TBC1D5: variants seen among roughly 807,000 people sequenced by gnomAD.
The protein encoded by TBC1D5 is TBC1 domain family member 5.
A neutral mutation model predicts 100.3 loss-of-function variants in TBC1D5; 75 were observed. The observed-to-expected ratio is 0.75, with a 90% CI of 0.62 to 0.91. The LOEUF is 0.91. TBC1D5 is among the 40% of genes least tolerant of loss of function. The pLI is 0.00. For missense variants in TBC1D5, 910 were observed against 942.4 expected, an observed-to-expected ratio of 0.97 and a Z score of 0.45; for synonymous variants, 323 against 325.6, an observed-to-expected ratio of 0.99 and a Z score of 0.09.
At chr3:17,169,154 T>G (rs1450450056) in intron 19 of TBC1D5, among the ~76,000 whole-genome samples, 2 of 152,210 alleles carry the variant, frequency 1.3e-5, no homozygotes, top group African/African-American at 2.4e-5. Context: ...CACTTATCAT[T>G]GTTTGATGCA....
At chr3:17,191,010 C>A (rs892840475) in intron 18 of TBC1D5, among the ~76,000 whole-genome samples, 1 of 152,156 alleles carries the variant, frequency 6.6e-6, no homozygotes, top group African/African-American at 2.4e-5. Flanking sequence ...AAAACACATA[C>A]ACGGTGTGAA....
At chr3:17,587,401 A>G (rs1319793581) in intron 2 of TBC1D5, among the ~76,000 whole-genome samples, 2 of 152,016 alleles carry the variant, frequency 1.3e-5, no homozygotes, top group East Asian at 3.8e-4. Context: ...ATATAATGTA[A>G]AACATAATCA....
chr3:17,449,020 T>C (rs1238096487), intron 3 of TBC1D5, among the ~76,000 whole-genome samples: 2 of 152,152 alleles, frequency 1.3e-5, no homozygotes, highest in African/African-American at 4.8e-5. Context: ...GATTTCTGCA[T>C]TTTCAACTGC....
chr3:17,409,353 T>C (rs1575754864), intron 4 of TBC1D5, among the ~76,000 whole-genome samples: 2 of 152,164 alleles, frequency 1.3e-5, no homozygotes, highest in South Asian at 2.1e-4. Context: ...AAATGTTGTA[T>C]GTGTTCTGGC....
At position 17,667,104 on chromosome 3, in the gene TBC1D5, T is replaced by C. The variant is rs1472443096; in HGVS notation, c.-100-43191A>G. Among the ~76,000 whole-genome samples the C allele has an allele frequency of 3.9e-5, 6 of 152,236 alleles. No individual in the cohort carries two copies. In the South Asian group the frequency reaches 6.2e-4, roughly 16 times the overall value. ...GTTAGGAAGAGGAAGAATTTACTTC[T>C]AGCTGCTGGATGAAAAGCTTTGTAA... On this transcript the variant is annotated intron_variant, in intron 1 of 21. Transcript: ENST00000253692.
chr3:17,547,425 T>C (rs117446454), intron 2 of TBC1D5, among the ~76,000 whole-genome samples: 2,646 of 152,272 alleles, frequency 0.017, 52 homozygotes, highest in South Asian at 0.059. Context: ...ATCATATACT[T>C]ATAAAAATTA....
At position 17,401,307 on chromosome 3, in the gene TBC1D5, CAT is replaced by C. The variant is rs1158667361; in HGVS notation, c.509+1872_509+1873del. 1.3e-4 allele frequency among the ~76,000 whole-genome samples: 16 copies of C among 122,450 alleles called. 2 individuals carry two copies. Among genetic ancestry groups the C allele is most frequent in the African/African-American group, 4.2e-4 (12 of 28,810 alleles). The allele number at this position is 122,450 out of a possible 152,430, so 80.3% of individuals were successfully genotyped here. On this transcript the variant is annotated intron_variant, in intron 8 of 21. Transcript: ENST00000253692. ...CATATATATGTATGTGTATAATACA[CAT>C]ATATATGTATGTGTATAATATACAT...
chr3:17,650,625 G>A (rs568303651), intron 1 of TBC1D5, among the ~76,000 whole-genome samples: 30 of 152,234 alleles, frequency 2.0e-4, no homozygotes, highest in African/African-American at 6.7e-4. Context: ...AATTTGGTAC[G>A]ATTCTCCCAA....
chr3:17,371,939 A>G (rs2092478935), intron 13 of TBC1D5, 136 bp downstream of exon 13: 4 of 722,908 alleles, frequency 5.5e-6, no homozygotes, highest in Non-Finnish European at 8.0e-6. Flanking sequence ...TGGGAAGCTG[A>G]GATGGGAGGA....
At position 17,554,749 on chromosome 3, in the gene TBC1D5, C is replaced by T. The variant is rs138954041; in HGVS notation, c.-35-46144G>A. Reference sequence around the variant, plus strand: ...GGATACTAAAAACCACATCTACTTTCTCCCTAAAATCTTTCCATGCTTGTG... The same window carrying T: ...GGATACTAAAAACCACATCTACTTTTTCCCTAAAATCTTTCCATGCTTGTG... On this transcript the variant is annotated intron_variant, in intron 2 of 21. Transcript: ENST00000253692. Among the ~76,000 whole-genome samples, 108 of 152,266 alleles carry T rather than the reference C, an allele frequency of 7.1e-4. No individual in the cohort carries two copies. The East Asian group carries it at 0.018, about 26-fold the overall frequency.
chr3:17,521,557 T>C (rs1017030320), intron 2 of TBC1D5, among the ~76,000 whole-genome samples: 13 of 152,168 alleles, frequency 8.5e-5, no homozygotes, highest in African/African-American at 3.1e-4. Context: ...AAAAGTTACA[T>C]ATGGATTTTT....
intron 2 of TBC1D5, among the ~76,000 whole-genome samples, chr3:17,620,777 AATC>A (rs1332508195): frequency 6.6e-6 from 1 of 152,204 alleles, no homozygotes; most frequent in African/African-American, 2.4e-5. Flanking sequence ...CAAAAAATTA[AATC>A]AATAAGGATG....
At chr3:17,523,269 T>C (rs2096083323) in intron 2 of TBC1D5, among the ~76,000 whole-genome samples, 1 of 152,190 alleles carries the variant, frequency 6.6e-6, no homozygotes. Context: ...ATCCTACTGC[T>C]TTCTCACTAT....
intron 14 of TBC1D5, among the ~76,000 whole-genome samples, chr3:17,294,473 T>C (rs2082058842): frequency 6.6e-6 from 1 of 152,192 alleles, no homozygotes; most frequent in South Asian, 2.1e-4. Flanking sequence ...GATTTAGATA[T>C]AAACATATAG....
intron 1 of TBC1D5, among the ~76,000 whole-genome samples, chr3:17,705,650 G>A (rs1228620031): frequency 2.2e-5 from 3 of 135,398 alleles, no homozygotes; most frequent in African/African-American, 8.2e-5. Context: ...TCAGACGATG[G>A]GCGGCCGGGC....
At chr3:17,209,692 T>C (rs113347925) in intron 18 of TBC1D5, among the ~76,000 whole-genome samples, 2 of 152,258 alleles carry the variant, frequency 1.3e-5, no homozygotes, top group African/African-American at 4.8e-5. Flanking sequence ...CCTTTCTTTC[T>C]TTTCCTACAC....
At position 17,491,296 on chromosome 3, in the gene TBC1D5, C is replaced by A. The variant is rs192206509; in HGVS notation, c.97+17178G>T. On this transcript the variant is annotated intron_variant, in intron 3 of 21. Coordinates refer to ENST00000253692, the Ensembl canonical transcript of TBC1D5. ...CTTCCTCTCTTCTTATTTGAATACC[C>A]ATTATTTCTTTCTGTTGCCTGAGTG... Among the ~76,000 whole-genome samples the A allele has an allele frequency of 2.9e-3, 437 of 152,198 alleles. 3 individuals are homozygous for A. Among genetic ancestry groups the A allele is most frequent in the Non-Finnish European group, 5.3e-3 (359 of 67,994 alleles).
chr3:17,271,462 A>C (rs1165758498), intron 15 of TBC1D5, among the ~76,000 whole-genome samples: 4 of 152,190 alleles, frequency 2.6e-5, no homozygotes, highest in Non-Finnish European at 2.9e-5. Context: ...TTGTATCCTG[A>C]AACTTTACTG....
chr3:17,722,188 T>C (rs1446010871), intron 1 of TBC1D5, among the ~76,000 whole-genome samples: 1 of 152,192 alleles, frequency 6.6e-6, no homozygotes, highest in Non-Finnish European at 1.5e-5. Flanking sequence ...ATCAATTCTT[T>C]TATATTATTT....
Sources: gnomAD v4.1 joint callset for allele counts (sites outside exome capture counted in the v4.1 genomes callset) on GRCh38, gnomAD v4.1.1 for gene constraint, MANE v1.5 for transcripts, NCBI Gene and HGNC (gene_info 2026-07-23, HGNC 2026-07-21) for gene names.